Variants in SDHD observed in about 807,000 individuals in gnomAD.
SDHD encodes the protein succinate dehydrogenase complex subunit D.
Under a neutral mutation model 18.7 loss-of-function variants are expected in SDHD, and 6 were observed. The observed-to-expected ratio is 0.32, with a 90% CI of 0.18 to 0.63. The LOEUF (loss-of-function observed/expected upper bound fraction) is 0.63, where lower values mean the gene tolerates loss of function less well. SDHD is among the 30% of genes least tolerant of loss of function. SDHD has a pLI of 0.79. For synonymous variants in SDHD, 56 were observed against 73.9 expected, an observed-to-expected ratio of 0.76 and a Z score of 1.24; for missense variants, 160 against 192.7, an observed-to-expected ratio of 0.83 and a Z score of 1.00.
chr11:112,091,448 C>T (rs191264117), intron 3 of SDHD, among the ~76,000 whole-genome samples: 11 of 152,296 alleles, frequency 7.2e-5, no homozygotes, highest in East Asian at 3.9e-4. Context: ...TGTCTGACCT[C>T]GAGATGACAA....
chr11:112,092,769 T>C (rs1039297512), intron 3 of SDHD, among the ~76,000 whole-genome samples: 5 of 152,180 alleles, frequency 3.3e-5, no homozygotes, highest in Non-Finnish European at 5.9e-5. Flanking sequence ...CTTTTAGGTG[T>C]ATACCCAAGA....
intron 3 of SDHD, among the ~76,000 whole-genome samples, chr11:112,089,231 C>T (rs1566695366): frequency 6.6e-6 from 1 of 152,154 alleles, no homozygotes; most frequent in African/African-American, 2.4e-5. Flanking sequence ...TGAATGTAGC[C>T]TGTCAAACTG....
In SDHD at chr11:112,088,914, A is replaced by G. The variant is rs748545223; in HGVS notation, c.217A>G (p.Ser73Gly). The change falls in exon 3 of 4, where the codon AGT (serine) becomes GGT (glycine). Residue 73 changes from serine (S) to glycine (G), a missense_variant. Ser to Gly is a moderately conservative substitution (Grantham distance 56). Coordinates refer to ENST00000375549, the MANE Select transcript of SDHD (RefSeq NM_003002.4). ...SLHWTSERVV[S>G]VLLLGLLPAA... ...CCACTGGACTAGCGAGAGGGTTGTC[A>G]GTGTTTTGCTCCTGGGTCTGCTTCC... 5 of 1,612,986 alleles carry G rather than the reference A, an allele frequency of 3.1e-6. No homozygotes were observed. In the East Asian group the frequency reaches 6.7e-5, roughly 22 times the overall value.
intron 3 of SDHD, among the ~76,000 whole-genome samples, chr11:112,092,634 A>T (rs962724825): frequency 6.6e-6 from 1 of 152,152 alleles, no homozygotes; most frequent in Non-Finnish European, 1.5e-5. Context: ...GTTGCTGAGG[A>T]CTTGGAGAAA....
intron 1 of SDHD, 47 bp from the exon 2 acceptor site, chr11:112,087,810 T>C (rs781257916): frequency 8.2e-7 from 1 of 1,220,396 alleles, no homozygotes; most frequent in Non-Finnish European, 1.2e-6. Context: ...TTGTCAGTCC[T>C]GTTAAAGGAG....
chr11:112,095,776 A>G lies in SDHD; in HGVS notation c.*806A>G, dbSNP rs1198726778. The G allele has an allele frequency of 1.5e-5, 3 of 203,906 alleles. No homozygotes were observed. Among genetic ancestry groups the G allele is most frequent in the African/African-American group, 6.9e-5 (3 of 43,688 alleles). 12.6% of individuals were successfully genotyped at this position (203,906 alleles called of 1,614,324 possible). A position where few individuals can be genotyped will look rare whatever the true frequency, so the allele number is the denominator to read the frequency against. On this transcript the variant is annotated 3_prime_UTR_variant, in exon 4 of 4. Transcript: ENST00000375549. ...TTTAAATAAAATGTTATATAATAAA[A>G]GTGTCTTCTATGCTTTTATATATTA...
intron 3 of SDHD, among the ~76,000 whole-genome samples, chr11:112,093,729 C>T (rs376236983): frequency 6.6e-6 from 1 of 152,130 alleles, no homozygotes; most frequent in East Asian, 1.9e-4. Context: ...GCAACCGACC[C>T]CTGCCTTCCT....
intron 2 of SDHD, chr11:112,088,606 A>G (rs1865675573): frequency 3.8e-6 from 2 of 526,982 alleles, no homozygotes; most frequent in Non-Finnish European, 6.8e-6. Flanking sequence ...TTTTTTATCC[A>G]TCTTCTTGGA....
At position 112,095,651 on chromosome 11, in the gene SDHD, A is replaced by G; in HGVS notation, c.*681A>G. 1 of 225,906 alleles carries G rather than the reference A, an allele frequency of 4.4e-6. No individual in the cohort carries two copies. The highest frequency in any genetic ancestry group is 8.8e-6 in the Non-Finnish European group (1 of 113,682). 14.0% of individuals were successfully genotyped at this position (225,906 alleles called of 1,614,324 possible). A position where few individuals can be genotyped will look rare whatever the true frequency, so the allele number is the denominator to read the frequency against. ...TTCCCAAATGTATTCTACTTGTTCTAAAACAATCTGTCCACAAATATAAAA... is the reference window on the plus strand; with the variant it reads ...TTCCCAAATGTATTCTACTTGTTCTGAAACAATCTGTCCACAAATATAAAA... On this transcript the variant is annotated 3_prime_UTR_variant, in exon 4 of 4. Transcript: ENST00000375549.
At chr11:112,090,092 C>T (rs1215535897) in intron 3 of SDHD, among the ~76,000 whole-genome samples, 2 of 133,330 alleles carry the variant, frequency 1.5e-5, no homozygotes, top group African/African-American at 5.1e-5. Context: ...GCATCCAGCG[C>T]CTGTTTGTTT....
At position 112,089,023 on chromosome 11, in the gene SDHD, A is replaced by G. The variant is rs201163618; in HGVS notation, c.314+12A>G. On this transcript the variant is annotated intron_variant, in intron 3 of 3. Coordinates refer to ENST00000375549, the MANE Select transcript of SDHD (RefSeq NM_003002.4). ...CTTCATGGTCACTGGCAAGTATAGCAATTCCAAATATAGTTGTCTGCTCAG... is the reference window on the plus strand; with the variant it reads ...CTTCATGGTCACTGGCAAGTATAGCGATTCCAAATATAGTTGTCTGCTCAG... 1.5e-5 allele frequency: 24 copies of G among 1,614,040 alleles called. No homozygotes were observed. The East Asian group carries it at 1.6e-4, about 10-fold the overall frequency.
In SDHD at chr11:112,087,874, C is replaced by G. The variant is rs775986509; in HGVS notation, c.70C>G (p.Pro24Ala). The change falls in exon 2 of 4, where the codon CCA becomes GCA. Residue 24 changes from proline (P) to alanine (A), a missense_variant. Coordinates refer to ENST00000375549, the MANE Select transcript of SDHD (RefSeq NM_003002.4). Reference sequence around the variant, plus strand: ...TTCCTCAGCTCTGTTGCTTCGAACTCCAGTGGTCAGACCTGCTCATATCTC... The same window carrying G: ...TTCCTCAGCTCTGTTGCTTCGAACTGCAGTGGTCAGACCTGCTCATATCTC... ...LGGRALLLRT[P>A]VVRPAHISAF... 6.2e-7 allele frequency: 1 copy of G among 1,613,152 alleles called. No individual in the cohort carries two copies. The highest frequency in any genetic ancestry group is 8.5e-7 in the Non-Finnish European group (1 of 1,179,166).
chr11:112,091,938 C>A (rs1461906285), intron 3 of SDHD, among the ~76,000 whole-genome samples: 1 of 152,150 alleles, frequency 6.6e-6, no homozygotes, highest in African/African-American at 2.4e-5. Flanking sequence ...CGTGGTGGCA[C>A]ACGCCTTTAG....
chr11:112,087,773 TAGCTTACCTA>T, intron 1 of SDHD, 74 bp from the exon 2 acceptor site: 1 of 850,656 alleles, frequency 1.2e-6, no homozygotes, highest in South Asian at 1.3e-5. Context: ...TATTGTTAAG[TAGCTTACCTA>T]TGGTCATTTA....
Position 112,086,901 on chromosome 11 carries a change from G to C in SDHD, c.-7G>C. ...TTGGTGGATGACCTTGAGCCCTCAG[G>C]AACGAGATGGCGGTTCTCTGGAGGC... is the stretch of plus-strand genomic sequence containing the variant. On this transcript the variant is annotated 5_prime_UTR_variant, in exon 1 of 4. Coordinates refer to ENST00000375549, the MANE Select transcript of SDHD (RefSeq NM_003002.4). 1 of 1,614,218 alleles carries C rather than the reference G, an allele frequency of 6.2e-7. No individual in the cohort carries two copies. Among genetic ancestry groups the C allele is most frequent in the Non-Finnish European group, 8.5e-7 (1 of 1,180,052 alleles).
intron 3 of SDHD, among the ~76,000 whole-genome samples, chr11:112,092,353 C>T (rs1428187553): frequency 6.6e-6 from 1 of 152,140 alleles, no homozygotes; most frequent in East Asian, 1.9e-4. Flanking sequence ...AACAGTCTCA[C>T]GTAGGCTACT....
intron 3 of SDHD, chr11:112,091,208 G>T (rs1285941247): frequency 4.2e-6 from 2 of 472,446 alleles, no homozygotes; most frequent in Non-Finnish European, 5.5e-6. Context: ...TCAACACTGA[G>T]TCTCTTTTAG....
intron 3 of SDHD, 124 bp from the exon 4 acceptor site, chr11:112,094,681 A>G: frequency 2.5e-6 from 2 of 796,154 alleles, no homozygotes; most frequent in Non-Finnish European, 4.2e-6. Flanking sequence ...GTGACAGTGG[A>G]GTGGCAAATG....
At position 112,094,861 on chromosome 11, in the gene SDHD, C is replaced by T. The variant is rs1865811210; in HGVS notation, c.371C>T (p.Ala124Val). ...YVHGDALQKA[A>V]KAGLLALSAL... is the part of the protein sequence containing the mutation. The stretch of plus-strand genomic sequence containing the variant: ...CATGGGGATGCCTTGCAGAAAGCTG[C>T]CAAGGCAGGGCTTTTGGCACTTTCA... The change falls in exon 4 of 4, where the codon GCC becomes GTC. Residue 124 changes from alanine (A) to valine (V), a missense_variant. Transcript: ENST00000375549. The T allele has an allele frequency of 6.2e-7, 1 of 1,611,908 alleles. No homozygotes were observed. The highest frequency in any genetic ancestry group is 1.7e-5 in the Admixed American group (1 of 60,020).
Sources: allele counts gnomAD v4.1 joint callset (sites outside exome capture counted in the v4.1 genomes callset), GRCh38; gene constraint gnomAD v4.1.1; transcripts MANE v1.5; gene names NCBI Gene and HGNC (gene_info 2026-07-23, HGNC 2026-07-21).